The following CAMK2D variants were observed in gnomAD, a reference collection of about 807,000 sequenced individuals.
CAMK2D encodes calcium/calmodulin-dependent protein kinase type II subunit delta.
A neutral mutation model predicts 84.0 loss-of-function variants in CAMK2D; 37 were observed. The ratio of observed to expected loss-of-function variants is 0.44; its 90% CI spans 0.34 to 0.58. The LOEUF (loss-of-function observed/expected upper bound fraction) is 0.58, where lower values mean the gene tolerates loss of function less well. Among genes scored for constraint, CAMK2D ranks in the 20% least tolerant of loss-of-function variants. The pLI is 0.02. For synonymous variants in CAMK2D, 202 were observed against 212.5 expected (o/e 0.95, Z 0.43); for missense variants, 448 against 652.5 (o/e 0.69, Z 3.41).
intron 2 of CAMK2D, among the ~76,000 whole-genome samples, chr4:113,743,211 G>C: frequency 6.6e-6 from 1 of 152,104 alleles, no homozygotes; most frequent in East Asian, 1.9e-4. Context: ...CAATATCAAG[G>C]ATTTTGCTAT....
chr4:113,582,632 T>TTA lies in CAMK2D; in HGVS notation c.275+26518_275+26519dup, dbSNP rs2098815903. ...TTGCCTTTAAGAGGTAACAGAAACA[T>TTA]TATATATATTGATACTGAGACCTGA... On this transcript the variant is annotated intron_variant, in intron 4 of 20. Transcript: ENST00000511664. Among the ~76,000 whole-genome samples the TTA allele has an allele frequency of 2.6e-5, 4 of 152,280 alleles. No individual in the cohort carries two copies. The South Asian group carries it at 8.3e-4, about 32-fold the overall frequency.
intron 2 of CAMK2D, among the ~76,000 whole-genome samples, chr4:113,718,509 T>C (rs2099520434): frequency 6.6e-6 from 1 of 152,208 alleles, no homozygotes; most frequent in African/African-American, 2.4e-5. Context: ...AGTGATGTTA[T>C]CACCAGGAGC....
intron 16 of CAMK2D, among the ~76,000 whole-genome samples, chr4:113,482,636 TTAAA>T (rs1177595056): frequency 2.0e-5 from 3 of 152,202 alleles, no homozygotes; most frequent in Admixed American, 1.3e-4. Flanking sequence ...ATAACTTATA[TTAAA>T]TAAAATAGTT....
intron 2 of CAMK2D, among the ~76,000 whole-genome samples, chr4:113,704,354 T>C (rs2099434061): frequency 6.6e-6 from 1 of 152,040 alleles, no homozygotes; most frequent in African/African-American, 2.4e-5. Context: ...TCTGGCATAT[T>C]TTACTAAAAA....
intron 4 of CAMK2D, among the ~76,000 whole-genome samples, chr4:113,576,688 A>T (rs370475801): frequency 6.6e-6 from 1 of 152,196 alleles, no homozygotes; most frequent in Admixed American, 6.5e-5. Context: ...TTTTAACTGC[A>T]GATGTATTTC....
chr4:113,569,819 G>A (rs1267196575), intron 4 of CAMK2D, among the ~76,000 whole-genome samples: 1 of 152,088 alleles, frequency 6.6e-6, no homozygotes, highest in Non-Finnish European at 1.5e-5. Flanking sequence ...AAACATATGA[G>A]TCGATTCCTT....
At chr4:113,622,705 A>T (rs2099051329) in intron 3 of CAMK2D, among the ~76,000 whole-genome samples, 1 of 152,202 alleles carries the variant, frequency 6.6e-6, no homozygotes, top group Admixed American at 6.5e-5. Context: ...TCAAGGCTAC[A>T]GTGAGCCATG....
At chr4:113,681,396 C>T (rs1318969832) in intron 2 of CAMK2D, among the ~76,000 whole-genome samples, 1 of 152,124 alleles carries the variant, frequency 6.6e-6, no homozygotes, top group African/African-American at 2.4e-5. Flanking sequence ...GCACTTCTCT[C>T]TCCTGCCGCC....
chr4:113,466,709 T>C (rs1475583829), intron 16 of CAMK2D, among the ~76,000 whole-genome samples: 2 of 152,210 alleles, frequency 1.3e-5, no homozygotes, highest in East Asian at 1.9e-4. Context: ...AAATTATTAA[T>C]AGTGGTTTGG....
intron 19 of CAMK2D, 72 bp downstream of exon 19, chr4:113,457,263 A>T (rs2097314383): frequency 1.9e-6 from 3 of 1,577,638 alleles, no homozygotes; most frequent in Non-Finnish European, 2.6e-6. Context: ...CCATGCTATT[A>T]ACAATGGAAT....
chr4:113,753,144 G>C (rs2099621141), intron 2 of CAMK2D, among the ~76,000 whole-genome samples: 1 of 152,032 alleles, frequency 6.6e-6, no homozygotes, highest in East Asian at 1.9e-4. Flanking sequence ...AAGAGCCTCA[G>C]TATTCTTTTT....
chr4:113,463,713 T>C (rs1525000), intron 17 of CAMK2D, among the ~76,000 whole-genome samples: 50,172 of 152,132 alleles, frequency 0.33, 9,150 homozygotes, highest in South Asian at 0.49. Context: ...GTAATAATTA[T>C]GTACATAGTC....
At chr4:113,464,695 T>C (rs1468693568) in intron 17 of CAMK2D, among the ~76,000 whole-genome samples, 5 of 152,328 alleles carry the variant, frequency 3.3e-5, no homozygotes, top group Admixed American at 2.0e-4. Flanking sequence ...ATTCTTCAAG[T>C]AAAGTTTTCC....
chr4:113,649,974 C>A (rs1458686317), intron 3 of CAMK2D, among the ~76,000 whole-genome samples: 1 of 151,840 alleles, frequency 6.6e-6, no homozygotes, highest in Non-Finnish European at 1.5e-5. Context: ...CCCAGCTACT[C>A]GGGAGGCTGA....
At chr4:113,472,696 C>T (rs2097560906) in intron 16 of CAMK2D, among the ~76,000 whole-genome samples, 1 of 152,186 alleles carries the variant, frequency 6.6e-6, no homozygotes, top group Non-Finnish European at 1.5e-5. Flanking sequence ...TGTGTCTTCA[C>T]TGGGATGTTT....
chr4:113,543,768 GTTTATTTATTTA>G (rs79922057), intron 6 of CAMK2D, among the ~76,000 whole-genome samples: 1,588 of 146,704 alleles, frequency 0.011, 26 homozygotes, highest in African/African-American at 0.035. Flanking sequence ...TATCTATCAA[GTTTATTTATTTA>G]TTTATTTATT....
intron 1 of CAMK2D, 41 bp from the exon 2 acceptor site, chr4:113,759,455 T>A (rs776874385): frequency 1.7e-6 from 2 of 1,153,738 alleles, no homozygotes; most frequent in Non-Finnish European, 1.2e-6. Flanking sequence ...ATAACAGATA[T>A]AATATTTCAT....
intron 16 of CAMK2D, among the ~76,000 whole-genome samples, chr4:113,494,535 C>A (rs1355692042): frequency 1.3e-5 from 2 of 152,204 alleles, no homozygotes; most frequent in Non-Finnish European, 2.9e-5. Context: ...AACCACTGCT[C>A]TCTTCAAAGC....
chr4:113,495,254 C>T (rs113674895), intron 16 of CAMK2D, among the ~76,000 whole-genome samples: 5 of 152,254 alleles, frequency 3.3e-5, no homozygotes, highest in Admixed American at 3.3e-4. Context: ...ACTACAGTTT[C>T]CTCTAAGACA....
Sources: allele counts gnomAD v4.1 joint callset (sites outside exome capture counted in the v4.1 genomes callset), GRCh38; gene constraint gnomAD v4.1.1; transcripts MANE v1.5; gene names NCBI Gene and HGNC (gene_info 2026-07-23, HGNC 2026-07-21).